Variants in KLHL1 observed in about 807,000 individuals in gnomAD.
KLHL1 encodes kelch like family member 1.
In KLHL1, 47 loss-of-function variants were observed where a neutral mutation model predicts 77.7. That is an observed-to-expected ratio of 0.60 (90% confidence interval 0.48 to 0.77). The LOEUF is 0.77. Among genes scored for constraint, KLHL1 ranks in the 30% least tolerant of loss-of-function variants. The probability of loss-of-function intolerance (pLI) is 0.00; values close to 1 mark genes in which losing one functional copy is unlikely to be tolerated. For missense variants in KLHL1, 925 were observed against 910.8 expected, an observed-to-expected ratio of 1.02 and a Z score of -0.20; for synonymous variants, 360 against 325.2, an observed-to-expected ratio of 1.11 and a Z score of -1.15.
At chr13:69,718,181 T>C (rs1872861353) in intron 9 of KLHL1, among the ~76,000 whole-genome samples, 1 of 152,014 alleles carries the variant, frequency 6.6e-6, no homozygotes, top group Admixed American at 6.6e-5. Flanking sequence ...AAAAGGAAAA[T>C]TTTTCTGCTG....
At chr13:69,804,308 G>GT (rs369117556) in intron 6 of KLHL1, among the ~76,000 whole-genome samples, 57,531 of 143,080 alleles carry the variant, frequency 0.4, 11,197 homozygotes, top group African/African-American at 0.53. Flanking sequence ...ATTTTTTTGT[G>GT]GGGGGGGGAA....
chr13:69,996,304 A>AT (rs1446865375), intron 1 of KLHL1, among the ~76,000 whole-genome samples: 2 of 152,112 alleles, frequency 1.3e-5, no homozygotes, highest in African/African-American at 4.8e-5. Context: ...TCCGTTTAAA[A>AT]AAAATAAAAT....
At chr13:70,052,118 A>G (rs1417982215) in intron 1 of KLHL1, among the ~76,000 whole-genome samples, 3 of 152,084 alleles carry the variant, frequency 2.0e-5, no homozygotes, top group Admixed American at 6.5e-5. Context: ...AGTTCCAATC[A>G]GAATCCAAAC....
rs1470075462 is a variant in KLHL1, at chr13:69,994,495, A to G, written c.498-18693T>C. Among the ~76,000 whole-genome samples, 4 of 152,128 alleles carry G rather than the reference A, an allele frequency of 2.6e-5. No homozygotes were observed. The East Asian group carries it at 7.7e-4, about 29-fold the overall frequency. ...CTTAGGACCTGTCCTCCTATGCTTC[A>G]TTCTCTATAGGCTTACTCCTTCTAT... On this transcript the variant is annotated intron_variant, in intron 1 of 10. Transcript: ENST00000377844.
intron 1 of KLHL1, among the ~76,000 whole-genome samples, chr13:70,059,157 C>CT (rs58877477): frequency 0.25 from 34,846 of 139,274 alleles, 4,777 homozygotes; most frequent in African/African-American, 0.38. Context: ...AATATTTCTT[C>CT]TTTTTTTTTT....
rs371490801 is a variant in KLHL1 at position 69,805,347 on chromosome 13, A to G, written c.1415-8385T>C. 2.6e-5 allele frequency among the ~76,000 whole-genome samples: 4 copies of G among 152,134 alleles called. No homozygotes were observed. The East Asian group carries it at 5.8e-4, about 22-fold the overall frequency. On this transcript the variant is annotated intron_variant, in intron 6 of 10. Transcript: ENST00000377844. ...AAAATCCAGCATTTTGCTTGCTATTAAACTAATCTCATTGAAATGAGGAAG... is the reference window on the plus strand; with the variant it reads ...AAAATCCAGCATTTTGCTTGCTATTGAACTAATCTCATTGAAATGAGGAAG...
At chr13:69,795,241 T>C (rs1877052713) in intron 7 of KLHL1, among the ~76,000 whole-genome samples, 2 of 152,178 alleles carry the variant, frequency 1.3e-5, no homozygotes, top group Admixed American at 1.3e-4. Context: ...TCTCTTTCCT[T>C]TTCTCTCTCT....
At chr13:70,073,781 T>C (rs1263549424) in intron 1 of KLHL1, among the ~76,000 whole-genome samples, 1 of 151,442 alleles carries the variant, frequency 6.6e-6, no homozygotes, top group Non-Finnish European at 1.5e-5. Context: ...TGTCTCAAAA[T>C]AAATAAAAAG....
chr13:69,773,286 T>C (rs1247220997), intron 7 of KLHL1, among the ~76,000 whole-genome samples: 1 of 152,112 alleles, frequency 6.6e-6, no homozygotes, highest in Non-Finnish European at 1.5e-5. Context: ...CCATGTGTAA[T>C]GACATTTACT....
intron 1 of KLHL1, among the ~76,000 whole-genome samples, chr13:69,992,311 CTT>C (rs940030400): frequency 2.6e-5 from 4 of 151,886 alleles, no homozygotes; most frequent in Non-Finnish European, 4.4e-5. Context: ...ATTACAATCT[CTT>C]TTGAACAACT....
chr13:69,780,427 A>T (rs1002735851), intron 7 of KLHL1, among the ~76,000 whole-genome samples: 5 of 151,988 alleles, frequency 3.3e-5, no homozygotes, highest in Admixed American at 6.6e-5. Flanking sequence ...AGTAAAAGAG[A>T]CATGAAGAGG....
rs150686477 is a variant in KLHL1, at chr13:69,995,395, T to A, written c.498-19593A>T. Among the ~76,000 whole-genome samples the A allele has an allele frequency of 3.3e-3, 499 of 152,272 alleles. 3 individuals carry two copies. The highest frequency in any genetic ancestry group is 0.011 in the African/African-American group (473 of 41,586). ...CAGTCCACTGAGTTATTACTTGGTCTATTTAATTAGAAAATGTATAGATCT... is the reference window on the plus strand; with the variant it reads ...CAGTCCACTGAGTTATTACTTGGTCAATTTAATTAGAAAATGTATAGATCT... On this transcript the variant is annotated intron_variant, in intron 1 of 10. Transcript: ENST00000377844.
chr13:69,957,467 C>T (rs891823981), intron 3 of KLHL1, among the ~76,000 whole-genome samples: 5 of 151,738 alleles, frequency 3.3e-5, no homozygotes, highest in Non-Finnish European at 7.4e-5. Context: ...GATATGCATT[C>T]GCTATATTCC....
chr13:69,881,273 A>G (rs1305228535), intron 5 of KLHL1, among the ~76,000 whole-genome samples: 1 of 152,098 alleles, frequency 6.6e-6, no homozygotes, highest in Non-Finnish European at 1.5e-5. Flanking sequence ...CATTCTTAAT[A>G]TATGACCATA....
chr13:69,992,595 A>G (rs959751381), intron 1 of KLHL1, among the ~76,000 whole-genome samples: 4 of 152,022 alleles, frequency 2.6e-5, no homozygotes, highest in African/African-American at 4.8e-5. Context: ...GAGACCATAA[A>G]ACTAGAAAAT....
chr13:70,009,894 A>G (rs1885489989), intron 1 of KLHL1, among the ~76,000 whole-genome samples: 2 of 152,192 alleles, frequency 1.3e-5, no homozygotes, highest in South Asian at 4.1e-4. Flanking sequence ...AGTTGTGAAT[A>G]ATGCTAATCA....
At chr13:70,099,474 G>A (rs529547755) in intron 1 of KLHL1, among the ~76,000 whole-genome samples, 2 of 151,864 alleles carry the variant, frequency 1.3e-5, no homozygotes, top group South Asian at 4.2e-4. Context: ...AAGGCAACAA[G>A]ACTCAATGTA....
chr13:69,937,013 A>G (rs1257493923), intron 4 of KLHL1, among the ~76,000 whole-genome samples: 3 of 152,290 alleles, frequency 2.0e-5, no homozygotes, highest in Middle Eastern at 3.4e-3. Flanking sequence ...TCTTACATGA[A>G]TGCCTCTTAT....
chr13:69,765,956 AG>A (rs1306516583), intron 7 of KLHL1, among the ~76,000 whole-genome samples: 8 of 152,340 alleles, frequency 5.3e-5, no homozygotes, highest in Non-Finnish European at 7.3e-5. Flanking sequence ...TCTTAGCCTC[AG>A]TTGACTAACA....
Sources: allele counts gnomAD v4.1 joint callset (sites outside exome capture counted in the v4.1 genomes callset), GRCh38; gene constraint gnomAD v4.1.1; transcripts MANE v1.5; gene names NCBI Gene and HGNC (gene_info 2026-07-23, HGNC 2026-07-21).